The following NUP155 variants were observed in gnomAD, a reference collection of about 807,000 sequenced individuals.
The protein encoded by NUP155 is nucleoporin 155.
In NUP155, 71 loss-of-function variants were observed where a neutral mutation model predicts 180.4. The observed-to-expected ratio is 0.39, with a 90% confidence interval of 0.33 to 0.48. The LOEUF (loss-of-function observed/expected upper bound fraction) is 0.48, where lower values mean the gene tolerates loss of function less well. NUP155 is among the 20% of genes least tolerant of loss of function. The probability of loss-of-function intolerance (pLI) is 0.91; values close to 1 mark genes in which losing one functional copy is unlikely to be tolerated. For synonymous variants in NUP155, 582 were observed against 559.5 expected, an observed-to-expected ratio of 1.04 and a Z score of -0.57; for missense variants, 1,553 against 1,648.9, an observed-to-expected ratio of 0.94 and a Z score of 1.01.
chr5:37,342,406 C>G, intron 10 of NUP155, 143 bp downstream of exon 10: 1 of 618,202 alleles, frequency 1.6e-6, no homozygotes, highest in Non-Finnish European at 2.9e-6. Context: ...TCCCAGTTTT[C>G]AAAATCCTTT....
At chr5:37,316,622 G>A (rs1435207278) in intron 21 of NUP155, among the ~76,000 whole-genome samples, 2 of 151,872 alleles carry the variant, frequency 1.3e-5, no homozygotes, top group East Asian at 2.0e-4. Flanking sequence ...CCGCCACCAC[G>A]CCTGGCTAAT....
At chr5:37,334,929 G>A (rs1745221916) in intron 12 of NUP155, among the ~76,000 whole-genome samples, 1 of 152,042 alleles carries the variant, frequency 6.6e-6, no homozygotes, top group Admixed American at 6.6e-5. Context: ...GGAGGTGGAG[G>A]CGGGCGGTAC....
chr5:37,368,000 T>C (rs1747713278), intron 1 of NUP155, among the ~76,000 whole-genome samples: 1 of 152,066 alleles, frequency 6.6e-6, no homozygotes, highest in Non-Finnish European at 1.5e-5. Context: ...GTCAGGCTGG[T>C]CTTGAACTCC....
At chr5:37,315,185 T>C (rs1481624495) in intron 21 of NUP155, among the ~76,000 whole-genome samples, 4 of 152,218 alleles carry the variant, frequency 2.6e-5, no homozygotes, top group Non-Finnish European at 2.9e-5. Flanking sequence ...TAAGCCAAGA[T>C]TGTGCCAATG....
chr5:37,365,745 A>G (rs1359855340), intron 1 of NUP155, among the ~76,000 whole-genome samples: 4 of 65,308 alleles, frequency 6.1e-5, no homozygotes, highest in Non-Finnish European at 1.0e-4. Context: ...AAAAATATAT[A>G]TATATATACA....
At chr5:37,332,431 C>T (rs1037030191) in intron 13 of NUP155, among the ~76,000 whole-genome samples, 1 of 150,526 alleles carries the variant, frequency 6.6e-6, no homozygotes, top group Non-Finnish European at 1.5e-5. Context: ...ATGCCATTCT[C>T]CTGTCTCAGC....
chr5:37,320,494 G>GA (rs1482930934), intron 20 of NUP155, among the ~76,000 whole-genome samples: 1 of 151,946 alleles, frequency 6.6e-6, no homozygotes, highest in Non-Finnish European at 1.5e-5. Context: ...AAAAGAAAAA[G>GA]AGAGAGAGAG....
chr5:37,304,048 G>C (rs576549299), intron 27 of NUP155, among the ~76,000 whole-genome samples: 3 of 151,954 alleles, frequency 2.0e-5, no homozygotes, highest in Non-Finnish European at 4.4e-5. Context: ...AGGAGTTTGA[G>C]ACCAGCCTGG....
chr5:37,309,472 T>C (rs1457162206), intron 23 of NUP155: 7 of 537,772 alleles, frequency 1.3e-5, no homozygotes, highest in South Asian at 2.2e-5. Flanking sequence ...CTCCCAAATA[T>C]GTTAAGCAAG....
chr5:37,342,464 A>C (rs1745788352), intron 10 of NUP155, 85 bp downstream of exon 10: 1 of 844,094 alleles, frequency 1.2e-6, no homozygotes, highest in Non-Finnish European at 2.0e-6. Flanking sequence ...AGAAGGAAAA[A>C]TATATTTCTA....
chr5:37,304,926 T>C, intron 26 of NUP155, 83 bp from the exon 27 acceptor site: 1 of 1,506,846 alleles, frequency 6.6e-7, no homozygotes. Flanking sequence ...TAAACTCCAG[T>C]AAGAAATCAA....
rs1278917205 is a variant in NUP155, at chr5:37,299,351, CACTAGCAGCTTGCATTATATTAGTT to C, written c.3682+72_3682+96del. ...TTAGGTATACACAATTTTCATGAGC[CACTAGCAGCTTGCATTATATTAGTT>C]ACTAGCAGCTTGCATTCCTCCACCA... On this transcript the variant is annotated intron_variant, in intron 31 of 34. Transcript: ENST00000231498. 7.7e-6 allele frequency: 11 copies of C among 1,426,292 alleles called. No homozygotes were observed. In the Admixed American group the frequency reaches 8.4e-5, roughly 11 times the overall value. 88.4% of individuals were successfully genotyped at this position (1,426,292 alleles called of 1,614,324 possible). A position where few individuals can be genotyped will look rare whatever the true frequency, so the allele number is the denominator to read the frequency against.
rs1298306029 is a variant in NUP155, at chr5:37,329,234, G to C, written c.1769C>G (p.Pro590Arg). 2 of 1,613,978 alleles carry C rather than the reference G, an allele frequency of 1.2e-6. No homozygotes were observed. Among genetic ancestry groups the C allele is most frequent in the Non-Finnish European group, 1.7e-6 (2 of 1,179,906 alleles). The change falls in exon 16 of 35, where the codon CCT becomes CGT. Residue 590 changes from proline (P) to arginine (R), a missense_variant. Pro to Arg is a moderately radical substitution (Grantham distance 103). Transcript: ENST00000231498. The stretch of plus-strand genomic sequence containing the variant: ...CAAGATGGGACCAACATTACTTGGA[G>C]GCGGAAGAGTGGTTGGAAATCTCAT... The part of the protein sequence containing the change: ...AQMRFPTTLP[P>R]PSNVGPILGS...
At chr5:37,344,471 C>T (rs1261011449) in intron 9 of NUP155, among the ~76,000 whole-genome samples, 2 of 149,768 alleles carry the variant, frequency 1.3e-5, no homozygotes, top group South Asian at 4.2e-4. Context: ...AATTATCCTG[C>T]CCTTCCTTCC....
Position 37,313,975 on chromosome 5 carries a change from T to A in NUP155, c.2436+223A>T, listed in dbSNP as rs13188160. Among the ~76,000 whole-genome samples the A allele has an allele frequency of 0.17, 26,365 of 152,156 alleles. 2,681 individuals are homozygous for A. Among genetic ancestry groups the A allele is most frequent in the East Asian group, 0.3 (1,554 of 5,170 alleles). On this transcript the variant is annotated intron_variant, in intron 22 of 34. Transcript: ENST00000231498. The stretch of plus-strand genomic sequence containing the variant: ...CCACTGTTTTAAAAAATATGTTTTG[T>A]AAAGTATGACTTCATTCACATACCC...
chr5:37,325,768 C>CAAAAAA (rs58741619), intron 19 of NUP155, 133 bp downstream of exon 19: 30 of 361,086 alleles, frequency 8.3e-5, no homozygotes, highest in African/African-American at 4.5e-4. Context: ...GACTCTGTCT[C>CAAAAAA]AAAAAAAAAA....
intron 1 of NUP155, among the ~76,000 whole-genome samples, chr5:37,367,858 A>T (rs532913728): frequency 1.3e-5 from 2 of 151,510 alleles, no homozygotes; most frequent in African/African-American, 4.9e-5. Flanking sequence ...ATCTCGGCTC[A>T]CTGCAACTTC....
intron 13 of NUP155, among the ~76,000 whole-genome samples, chr5:37,332,379 T>C (rs1282868477): frequency 7.3e-6 from 1 of 136,452 alleles, no homozygotes; most frequent in Non-Finnish European, 1.5e-5. Flanking sequence ...TGGAGTGCAG[T>C]GGCGCAATCT....
chr5:37,331,851 C>T (rs1744984321), intron 13 of NUP155, 56 bp from the exon 14 acceptor site: 1 of 978,910 alleles, frequency 1.0e-6, no homozygotes, highest in African/African-American at 1.6e-5. Flanking sequence ...TGGCTGATAG[C>T]AACTGACTCT....
Sources: allele counts gnomAD v4.1 joint callset (sites outside exome capture counted in the v4.1 genomes callset), GRCh38; gene constraint gnomAD v4.1.1; transcripts MANE v1.5; gene names NCBI Gene and HGNC (gene_info 2026-07-23, HGNC 2026-07-21).